ATRNL1: variants seen among roughly 807,000 people sequenced by gnomAD.
ATRNL1 encodes the protein attractin like 1.
In ATRNL1, 95 loss-of-function variants were observed where a neutral mutation model predicts 182.7. The observed-to-expected ratio is 0.52, with a 90% CI of 0.44 to 0.62. The LOEUF is 0.62. ATRNL1 is among the 20% of genes least tolerant of loss of function. ATRNL1 has a pLI of 0.00. For synonymous variants in ATRNL1, 576 were observed against 568.3 expected, an observed-to-expected ratio of 1.01 and a Z score of -0.19; for missense variants, 1,471 against 1,679.5, an observed-to-expected ratio of 0.88 and a Z score of 2.17.
At chr10:115,518,805 C>T (rs556606199) in intron 24 of ATRNL1, among the ~76,000 whole-genome samples, 2 of 151,890 alleles carry the variant, frequency 1.3e-5, no homozygotes, top group South Asian at 4.1e-4. Flanking sequence ...AAATTAACTT[C>T]TTATTAACAT....
chr10:115,094,079 T>C, intron 1 of ATRNL1, 36 bp downstream of exon 1: 3 of 1,359,122 alleles, frequency 2.2e-6, no homozygotes, highest in Non-Finnish European at 2.9e-6. Flanking sequence ...CCTCCAGCCC[T>C]GCCTCGCTCC....
At chr10:115,360,841 A>G (rs1357600575) in intron 19 of ATRNL1, among the ~76,000 whole-genome samples, 1 of 151,570 alleles carries the variant, frequency 6.6e-6, no homozygotes, top group African/African-American at 2.4e-5. Context: ...GGACTACACT[A>G]TATTATTTTT....
At chr10:115,606,928 C>T (rs1441464327) in intron 26 of ATRNL1, among the ~76,000 whole-genome samples, 3 of 151,996 alleles carry the variant, frequency 2.0e-5, no homozygotes, top group Admixed American at 6.6e-5. Context: ...TTTAGAGATA[C>T]GCTCTCTAAC....
Position 115,160,095 on chromosome 10 carries a change from C to T in ATRNL1, c.885C>T (p.Asn295=), listed in dbSNP as rs139585934. 1.2e-5 allele frequency: 20 copies of T among 1,611,974 alleles called. No homozygotes were observed. The highest frequency in any genetic ancestry group is 6.7e-5 in the East Asian group (3 of 44,792). The change falls in exon 6 of 29, where the codon AAC becomes AAT. Residue 295 remains asparagine (N), a synonymous_variant. Coordinates refer to ENST00000355044, the MANE Select transcript of ATRNL1 (RefSeq NM_207303.4). ...PSTESYWILP[N]VKPFSPSVGR... ...CTGAGTCTTACTGGATTCTGCCAAA[C>T]GTTAAACCCTTCAGTCCTTCTGTAG... is the stretch of plus-strand genomic sequence containing the variant.
rs182626092 is a variant in ATRNL1 at position 115,600,504 on chromosome 10, T to C, written c.3795+50968T>C. On this transcript the variant is annotated intron_variant, in intron 26 of 28. Transcript: ENST00000355044. ...TTCAGTTTTTGTTGGCTAATGGTAT[T>C]GAATATCTTTTCATCTGTTTCTCTT... Among the ~76,000 whole-genome samples, 115 of 152,260 alleles carry C rather than the reference T, an allele frequency of 7.6e-4. 1 individual carries two copies. Among genetic ancestry groups the C allele is most frequent in the African/African-American group, 2.5e-3 (103 of 41,570 alleles).
In ATRNL1 at chr10:115,334,130, G is replaced by T. The variant is rs1021518621; in HGVS notation, c.3038-152G>T. The T allele has an allele frequency of 6.4e-6, 3 of 468,000 alleles. No homozygotes were observed. In the Admixed American group the frequency reaches 1.1e-4, roughly 18 times the overall value. 29.0% of individuals were successfully genotyped at this position (468,000 alleles called of 1,614,324 possible). On this transcript the variant is annotated intron_variant, in intron 18 of 28. Transcript: ENST00000355044. ...CATACTGTCTTGCACAAAACTTTGAGCTATATGTGTTATTAATTTTTAAAC... is the reference window on the plus strand; with the variant it reads ...CATACTGTCTTGCACAAAACTTTGATCTATATGTGTTATTAATTTTTAAAC...
At chr10:115,319,367 A>C (rs1330302563) in intron 18 of ATRNL1, among the ~76,000 whole-genome samples, 1 of 152,166 alleles carries the variant, frequency 6.6e-6, no homozygotes, top group Non-Finnish European at 1.5e-5. Flanking sequence ...TATTCTGTTG[A>C]TTTGGGGTGG....
Position 115,503,426 on chromosome 10 carries a change from G to A in ATRNL1, c.3655-15837G>A, listed in dbSNP as rs75446781. 8.2e-3 allele frequency among the ~76,000 whole-genome samples: 1,251 copies of A among 152,200 alleles called. 15 individuals are homozygous for A. The highest frequency in any genetic ancestry group is 0.029 in the African/African-American group (1,186 of 41,576). On this transcript the variant is annotated intron_variant, in intron 24 of 28. Transcript: ENST00000355044. ...AAAAAAAATTATATGAGCTGAAAAT[G>A]TGTTGAAGGAGAAGTTTTGCTATTT...
At chr10:115,802,051 A>ACACACACACACACACACACACACACAAC (rs1412039169) in intron 27 of ATRNL1, among the ~76,000 whole-genome samples, 1 of 11,218 alleles carries the variant, frequency 8.9e-5, no homozygotes, top group Non-Finnish European at 1.9e-4. Context: ...CACACAAAAC[A>ACACACACACACACACACACACACACAAC]AAAAAAAACA....
intron 26 of ATRNL1, among the ~76,000 whole-genome samples, chr10:115,569,296 G>T (rs1854248573): frequency 6.6e-6 from 1 of 151,980 alleles, no homozygotes; most frequent in Admixed American, 6.6e-5. Context: ...GACTCTTGAT[G>T]TTTTTCTTTT....
intron 24 of ATRNL1, among the ~76,000 whole-genome samples, chr10:115,513,441 C>T (rs1193657835): frequency 1.3e-5 from 2 of 151,914 alleles, no homozygotes; most frequent in African/African-American, 4.8e-5. Flanking sequence ...TTATTATTAT[C>T]GCCATTTATT....
rs548328101 is a variant in ATRNL1 at position 115,882,193 on chromosome 10, A to G, written c.4018+34202A>G. ...CAAAAACAGTTGTTGTCTCTGGGGA[A>G]GAGCCACAAAAGGCCTTGAATAAAC... On this transcript the variant is annotated intron_variant, in intron 28 of 28. Transcript: ENST00000355044. 8.1e-4 allele frequency among the ~76,000 whole-genome samples: 123 copies of G among 152,350 alleles called. 1 individual carries two copies. The highest frequency in any genetic ancestry group is 2.9e-3 in the African/African-American group (120 of 41,586).
At chr10:115,905,132 A>G (rs1952462558) in intron 28 of ATRNL1, among the ~76,000 whole-genome samples, 1 of 152,214 alleles carries the variant, frequency 6.6e-6, no homozygotes, top group Non-Finnish European at 1.5e-5. Flanking sequence ...CTACTAAAGT[A>G]ATTAGTCTAG....
chr10:115,473,348 A>G (rs1353645423), intron 24 of ATRNL1, among the ~76,000 whole-genome samples: 3 of 151,162 alleles, frequency 2.0e-5, no homozygotes, highest in South Asian at 4.1e-4. Flanking sequence ...CTGTGGTACA[A>G]TAGTATTCAT....
intron 27 of ATRNL1, among the ~76,000 whole-genome samples, chr10:115,840,453 T>C (rs1362200066): frequency 6.6e-6 from 1 of 152,148 alleles, no homozygotes; most frequent in East Asian, 1.9e-4. Flanking sequence ...ACTGAGTACT[T>C]ACTGTGTGCT....
chr10:115,179,853 C>G (rs1391501455), intron 8 of ATRNL1, among the ~76,000 whole-genome samples: 1 of 152,008 alleles, frequency 6.6e-6, no homozygotes, highest in Non-Finnish European at 1.5e-5. Context: ...TTTAATGTTG[C>G]ATTTTCTCTT....
chr10:115,315,783 C>T, intron 18 of ATRNL1, 47 bp downstream of exon 18: 1 of 1,475,110 alleles, frequency 6.8e-7, no homozygotes, highest in Middle Eastern at 2.4e-4. Context: ...CTTAAGGGAT[C>T]CAAGAAGGAG....
intron 26 of ATRNL1, among the ~76,000 whole-genome samples, chr10:115,651,740 G>A (rs1052015647): frequency 6.6e-6 from 1 of 152,098 alleles, no homozygotes; most frequent in African/African-American, 2.4e-5. Context: ...TTTCTATTGG[G>A]ATTAATAAGA....
intron 19 of ATRNL1, among the ~76,000 whole-genome samples, chr10:115,353,212 T>A (rs1049097470): frequency 6.6e-6 from 1 of 152,166 alleles, no homozygotes; most frequent in Non-Finnish European, 1.5e-5. Context: ...TCTCTTTAGG[T>A]CTAGTAATGT....
Sources: allele counts gnomAD v4.1 joint callset (sites outside exome capture counted in the v4.1 genomes callset), GRCh38; gene constraint gnomAD v4.1.1; transcripts MANE v1.5; gene names NCBI Gene and HGNC (gene_info 2026-07-23, HGNC 2026-07-21).